BMP2K: variants seen among roughly 807,000 people sequenced by gnomAD.
BMP2K encodes the protein BMP2 inducible kinase, also known as BMP-2-inducible protein kinase.
A neutral mutation model predicts 116.0 loss-of-function variants in BMP2K; 74 were observed. That is an observed-to-expected ratio of 0.64 (90% CI 0.53 to 0.77). The LOEUF (loss-of-function observed/expected upper bound fraction) is 0.77, where lower values mean the gene tolerates loss of function less well. BMP2K is among the 30% of genes least tolerant of loss of function. BMP2K has a pLI of 0.00. For synonymous variants in BMP2K, 486 were observed against 502.5 expected (o/e 0.97, Z 0.44); for missense variants, 1,365 against 1,403.6 (o/e 0.97, Z 0.44).
In BMP2K at chr4:78,914,068, A is replaced by AT. The variant is rs1734842375; in HGVS notation, c.*2035_*2036insT. 6.6e-6 allele frequency: 1 copy of AT among 150,518 alleles called. No homozygotes were observed. Among genetic ancestry groups the AT allele is most frequent in the Admixed American group, 6.6e-5 (1 of 15,144 alleles). 9.3% of individuals were successfully genotyped at this position (150,518 alleles called of 1,614,324 possible). On this transcript the variant is annotated 3_prime_UTR_variant, in exon 16 of 16. Coordinates refer to ENST00000502613, the MANE Select transcript of BMP2K (RefSeq NM_198892.2). ...GAACTACAGTAGGTTTGTATCAAAC[A>AT]ATTTTTTTTAATGAAAATCTGTTGA...
Position 78,911,167 on chromosome 4 carries a change from GA to G in BMP2K, c.2624del (p.Lys875ArgfsTer33). The G allele has an allele frequency of 6.2e-7, 1 of 1,613,756 alleles. No homozygotes were observed. The highest frequency in any genetic ancestry group is 8.5e-7 in the Non-Finnish European group (1 of 1,179,788). On this transcript the variant is annotated frameshift_variant, in exon 16 of 16. Coordinates refer to ENST00000502613, the MANE Select transcript of BMP2K (RefSeq NM_198892.2). LOFTEE classifies it high-confidence loss of function. ...AGTGCGTGCTCAACAGCCCCAGCAA[GA>G]AAAGAATGAAAAGAACCTCCCTCAA... Reference protein sequence around the residue: ...FAVRAQQPQQEKNEKNLPQHR... With the variant: ...FAVRAQQPQQXKNEKNLPQHR...
intron 1 of BMP2K, among the ~76,000 whole-genome samples, chr4:78,797,630 A>G (rs913581621): frequency 6.6e-6 from 1 of 152,202 alleles, no homozygotes; most frequent in South Asian, 2.1e-4. Flanking sequence ...TTCCAGAAAT[A>G]TAGTGTGTCT....
At chr4:78,860,448 T>C (rs550601646) in intron 8 of BMP2K, among the ~76,000 whole-genome samples, 2 of 152,042 alleles carry the variant, frequency 1.3e-5, no homozygotes, top group African/African-American at 2.4e-5. Flanking sequence ...CATTTCTTTT[T>C]CTGTAAAACA....
rs781284336 is a variant in BMP2K, at chr4:78,871,834, G to T, written c.1510-16G>T. 2 of 1,577,970 alleles carry T rather than the reference G, an allele frequency of 1.3e-6. No homozygotes were observed. The highest frequency in any genetic ancestry group is 2.3e-5 in the East Asian group (1 of 44,366). On this transcript the variant is annotated splice_polypyrimidine_tract_variant and intron_variant, in intron 11 of 15. Transcript: ENST00000502613. ...AAAAAGGCATAACATTTATTAATTT[G>T]ATTTTCTCGTTGTAGTATCAACATG...
At chr4:78,868,158 G>A (rs1732152118) in intron 10 of BMP2K, among the ~76,000 whole-genome samples, 1 of 152,120 alleles carries the variant, frequency 6.6e-6, no homozygotes, top group Admixed American at 6.5e-5. Flanking sequence ...AGAAACTGGG[G>A]GAAAAAAAGA....
Position 78,850,932 on chromosome 4 carries a change from A to T in BMP2K, c.759A>T (p.Gly253=), listed in dbSNP as rs368941274. 7.4e-6 allele frequency: 12 copies of T among 1,611,654 alleles called. No individual in the cohort carries two copies. Among genetic ancestry groups the T allele is most frequent in the Non-Finnish European group, 9.3e-6 (11 of 1,178,586 alleles). Residue 253 remains glycine (G), a synonymous_variant, in exon 7 of 16, where the codon GGA becomes GGT. Coordinates refer to ENST00000502613, the MANE Select transcript of BMP2K (RefSeq NM_198892.2). The stretch of plus-strand genomic sequence containing the variant: ...GCTTCTTTGGTTTACAGGCACTGGG[A>T]TGTCTACTCTATAAACTTTGTTTCT... The part of the protein sequence containing the change: ...ITTKADIWAL[G]CLLYKLCFFT...
chr4:78,896,621 C>T (rs1246766206), intron 15 of BMP2K, among the ~76,000 whole-genome samples: 8 of 152,150 alleles, frequency 5.3e-5, no homozygotes, highest in Admixed American at 5.2e-4. Flanking sequence ...GAATGCAGTG[C>T]AGTGAGATCT....
At position 78,815,974 on chromosome 4, in the gene BMP2K, TAC is replaced by T. The variant is rs538588618; in HGVS notation, c.179-10061_179-10060del. On this transcript the variant is annotated intron_variant, in intron 1 of 15. Coordinates refer to ENST00000502613, the MANE Select transcript of BMP2K (RefSeq NM_198892.2). ...TTGGGCACCAACAACAAACATGTTT[TAC>T]AGTTGTTTCTTTGAAACTGGAATTC... Among the ~76,000 whole-genome samples the T allele has an allele frequency of 2.0e-5, 3 of 152,328 alleles. No homozygotes were observed. The South Asian group carries it at 6.2e-4, about 32-fold the overall frequency.
intron 1 of BMP2K, among the ~76,000 whole-genome samples, chr4:78,804,787 T>A (rs1198525136): frequency 2.0e-5 from 3 of 151,948 alleles, no homozygotes; most frequent in Non-Finnish European, 4.4e-5. Flanking sequence ...CTTTTTATTG[T>A]TCAGGGATAA....
At chr4:78,810,983 G>A (rs533874870) in intron 1 of BMP2K, among the ~76,000 whole-genome samples, 93 of 152,050 alleles carry the variant, frequency 6.1e-4, no homozygotes, top group South Asian at 1.2e-3. Flanking sequence ...ATTTTTATAC[G>A]TGTTTTTCCT....
intron 14 of BMP2K, among the ~76,000 whole-genome samples, chr4:78,884,706 A>G (rs1371239992): frequency 6.6e-6 from 1 of 152,178 alleles, no homozygotes; most frequent in African/African-American, 2.4e-5. Flanking sequence ...GGATTCTGAT[A>G]CAAGGCATAA....
chr4:78,910,792 C>T lies in BMP2K; in HGVS notation c.2245C>T (p.Pro749Ser), dbSNP rs1317951147. The stretch of plus-strand genomic sequence containing the variant: ...TGAAAGTGATTTTGAATCAGATCCC[C>T]CTTCTCCTAAGAGCAGTGAAGAGGA... ...ESESDFESDP[P>S]SPKSSEEEEQ... Residue 749 changes from proline (P) to serine (S), a missense_variant, in exon 16 of 16, where the codon CCT becomes TCT. Transcript: ENST00000502613. The T allele has an allele frequency of 1.2e-6, 2 of 1,613,674 alleles. No homozygotes were observed. Among genetic ancestry groups the T allele is most frequent in the Non-Finnish European group, 1.7e-6 (2 of 1,179,840 alleles).
chr4:78,910,798 C>T lies in BMP2K; in HGVS notation c.2251C>T (p.Pro751Ser), dbSNP rs749191771. The change falls in exon 16 of 16, where the codon CCT becomes TCT. Residue 751 changes from proline to serine, a missense_variant. Physicochemically the swap from Pro to Ser is moderately conservative, Grantham distance 74. Transcript: ENST00000502613. ...ESDFESDPPSPKSSEEEEQDD... is the reference protein window; with the variant it reads ...ESDFESDPPSSKSSEEEEQDD... The stretch of plus-strand genomic sequence containing the variant: ...TGATTTTGAATCAGATCCCCCTTCT[C>T]CTAAGAGCAGTGAAGAGGAAGAGCA... 2 of 1,613,796 alleles carry T rather than the reference C, an allele frequency of 1.2e-6. No individual in the cohort carries two copies. The highest frequency in any genetic ancestry group is 1.7e-5 in the Admixed American group (1 of 60,006).
At chr4:78,854,215 GTTTC>G (rs1444895354) in intron 7 of BMP2K, among the ~76,000 whole-genome samples, 2 of 142,332 alleles carry the variant, frequency 1.4e-5, no homozygotes, top group African/African-American at 2.6e-5. Flanking sequence ...TTGCTTTATG[GTTTC>G]TTTATCTTTG....
intron 2 of BMP2K, among the ~76,000 whole-genome samples, chr4:78,829,852 T>TTCTCTTCTCTTCTCTTCTC (rs1730121746): frequency 1.2e-5 from 1 of 83,090 alleles, no homozygotes; most frequent in Non-Finnish European, 2.8e-5. Context: ...CTTCTCTTCT[T>TTCTCTTCTCTTCTCTTCTC]TTTTTCTTTT....
chr4:78,872,091 T>C, intron 12 of BMP2K, 143 bp downstream of exon 12: 1 of 652,722 alleles, frequency 1.5e-6, no homozygotes, highest in Non-Finnish European at 2.6e-6. Flanking sequence ...AGTCATATAT[T>C]CTCAAGCAGC....
rs186561543 is a variant in BMP2K, at chr4:78,858,124, A to G, written c.884-1460A>G. Among the ~76,000 whole-genome samples, 265 of 152,166 alleles carry G rather than the reference A, an allele frequency of 1.7e-3. 1 individual carries two copies. The highest frequency in any genetic ancestry group is 2.7e-3 in the Non-Finnish European group (185 of 67,938). On this transcript the variant is annotated intron_variant, in intron 7 of 15. Coordinates refer to ENST00000502613, the MANE Select transcript of BMP2K (RefSeq NM_198892.2). ...ATTTTAAAAGCCAAATAAATTTGTT[A>G]GAATAGAAAAATAGGACTATACGTT...
intron 14 of BMP2K, among the ~76,000 whole-genome samples, chr4:78,883,838 G>T (rs1732962902): frequency 6.6e-6 from 1 of 152,066 alleles, no homozygotes; most frequent in Non-Finnish European, 1.5e-5. Flanking sequence ...GAGGTGGGAG[G>T]ATTGCTTGAG....
At chr4:78,816,488 TC>T (rs1422946918) in intron 1 of BMP2K, among the ~76,000 whole-genome samples, 1 of 152,204 alleles carries the variant, frequency 6.6e-6, no homozygotes, top group Admixed American at 6.5e-5. Flanking sequence ...ACTAACAGTG[TC>T]TTGTCATTTT....
Sources: allele counts gnomAD v4.1 joint callset (sites outside exome capture counted in the v4.1 genomes callset), GRCh38; gene constraint gnomAD v4.1.1; transcripts MANE v1.5; gene names NCBI Gene and HGNC (gene_info 2026-07-23, HGNC 2026-07-21).